The following SLC22A23 variants were observed in gnomAD, a reference collection of about 807,000 sequenced individuals.
The protein encoded by SLC22A23 is solute carrier family 22 member 23.
SLC22A23 carries 26 observed loss-of-function variants against 61.0 expected under a neutral mutation model. The observed-to-expected ratio is 0.43, with a 90% CI of 0.31 to 0.59. The LOEUF (loss-of-function observed/expected upper bound fraction) is 0.59, where lower values mean the gene tolerates loss of function less well. SLC22A23 is among the 20% of genes least tolerant of loss of function. SLC22A23 has a pLI of 0.11. For synonymous variants in SLC22A23, 430 were observed against 413.9 expected (o/e 1.04, Z -0.47); for missense variants, 796 against 934.7 (o/e 0.85, Z 1.94).
intron 1 of SLC22A23, chr6:3,432,273 A>C: frequency 1.0e-6 from 1 of 985,458 alleles, no homozygotes; most frequent in Non-Finnish European, 1.2e-6. Flanking sequence ...CTGCTGAGTG[A>C]ACGCTGGCTC....
At chr6:3,279,363 T>C (rs1759206704) in intron 9 of SLC22A23, among the ~76,000 whole-genome samples, 1 of 151,090 alleles carries the variant, frequency 6.6e-6, no homozygotes, top group Admixed American at 6.6e-5. Context: ...ATACAAAAAT[T>C]AGTTGGGTGT....
intron 3 of SLC22A23, among the ~76,000 whole-genome samples, chr6:3,343,783 A>G (rs1300785040): frequency 6.6e-6 from 1 of 152,236 alleles, no homozygotes; most frequent in Non-Finnish European, 1.5e-5. Context: ...ACTGTCAAAC[A>G]TTGGTGCCGA....
At position 3,378,608 on chromosome 6, in the gene SLC22A23, T is replaced by C. The variant is rs570591004; in HGVS notation, c.913+31580A>G. Among the ~76,000 whole-genome samples, 7 of 152,086 alleles carry C rather than the reference T, an allele frequency of 4.6e-5. No homozygotes were observed. The South Asian group carries it at 1.2e-3, about 27-fold the overall frequency. The stretch of plus-strand genomic sequence containing the variant: ...GATACCATCTGTCCAGCCTTAGATA[T>C]GCCTCTGAACCTCTCTCTGTGTCAG... On this transcript the variant is annotated intron_variant, in intron 3 of 9. Transcript: ENST00000406686.
Position 3,330,948 on chromosome 6 carries a change from C to G in SLC22A23, c.914-6946G>C, listed in dbSNP as rs1010298091. ...AAATGCAGAAATACTGAATTAACTA[C>G]CAATTGAATACCTATCATGTCTGCA... On this transcript the variant is annotated intron_variant, in intron 3 of 9. Transcript: ENST00000406686. The surrounding 1 kb of genome is among the most constrained non-coding windows in gnomAD (Gnocchi z 4.7). Among the ~76,000 whole-genome samples the G allele has an allele frequency of 6.6e-6, 1 of 152,200 alleles. No individual in the cohort carries two copies. The highest frequency in any genetic ancestry group is 2.4e-5 in the African/African-American group (1 of 41,444).
Position 3,269,943 on chromosome 6 carries a change from A to G in SLC22A23, c.*3112T>C, listed in dbSNP as rs569069928. 5.2e-4 allele frequency: 79 copies of G among 152,926 alleles called. No individual in the cohort carries two copies. The highest frequency in any genetic ancestry group is 1.6e-3 in the African/African-American group (67 of 41,584). The allele number at this position is 152,926 out of a possible 1,614,324, so 9.5% of individuals were successfully genotyped here. On this transcript the variant is annotated 3_prime_UTR_variant, in exon 10 of 10. Transcript: ENST00000406686. The stretch of plus-strand genomic sequence containing the variant: ...TTCTTTCTGTTCTGTAGCCAAACCA[A>G]TTTACCAGCCCGTCTTCCAGATGCA...
At chr6:3,289,287 C>T (rs558552762) in intron 6 of SLC22A23, among the ~76,000 whole-genome samples, 1 of 152,376 alleles carries the variant, frequency 6.6e-6, no homozygotes, top group African/African-American at 2.4e-5. Flanking sequence ...GGGAGGAGGT[C>T]TGCGCTCACT....
chr6:3,456,654 C>A lies in SLC22A23; in HGVS notation c.-95G>T. The A allele has an allele frequency of 3.6e-6, 3 of 834,784 alleles. No individual in the cohort carries two copies. The highest frequency in any genetic ancestry group is 4.3e-6 in the Non-Finnish European group (3 of 695,150). 51.7% of individuals were successfully genotyped at this position (834,784 alleles called of 1,614,324 possible). Reference sequence around the variant, plus strand: ...GCGCGCCGGGCCAGGCGCCTGCAGCCGCTGCCGCCGAGGAGGGCCCGCGGC... The same window carrying A: ...GCGCGCCGGGCCAGGCGCCTGCAGCAGCTGCCGCCGAGGAGGGCCCGCGGC... On this transcript the variant is annotated 5_prime_UTR_variant, in exon 1 of 10. Coordinates refer to ENST00000406686, the MANE Select transcript of SLC22A23 (RefSeq NM_015482.2). This position sits in a 1 kb window ranked among gnomAD's most constrained non-coding sequence, Gnocchi z 7.1.
At position 3,338,471 on chromosome 6, in the gene SLC22A23, C is replaced by T. The variant is rs570342301; in HGVS notation, c.914-14469G>A. ...CATCCTCCTTAGCTGGGACTACAGG[C>T]GCATGCCGCCATGCCCAGCTAATTT... On this transcript the variant is annotated intron_variant, in intron 3 of 9. Transcript: ENST00000406686. 2.8e-4 allele frequency among the ~76,000 whole-genome samples: 43 copies of T among 152,322 alleles called. 1 individual carries two copies. The highest frequency in any genetic ancestry group is 2.5e-3 in the East Asian group (13 of 5,170).
At chr6:3,397,815 G>A (rs759166967) in intron 3 of SLC22A23, among the ~76,000 whole-genome samples, 1 of 152,156 alleles carries the variant, frequency 6.6e-6, no homozygotes, top group Non-Finnish European at 1.5e-5. Flanking sequence ...GCTACTAGAT[G>A]TCTAACTCTT....
intron 3 of SLC22A23, among the ~76,000 whole-genome samples, chr6:3,361,558 G>A (rs906099345): frequency 5.9e-5 from 9 of 152,180 alleles, no homozygotes; most frequent in African/African-American, 1.9e-4. Flanking sequence ...TCTGGGGTTC[G>A]ACTCTCCAGA....
intron 3 of SLC22A23, among the ~76,000 whole-genome samples, chr6:3,361,857 C>T (rs1020414636): frequency 5.3e-5 from 8 of 152,190 alleles, no homozygotes; most frequent in Non-Finnish European, 1.0e-4. Flanking sequence ...TCTCACGCTA[C>T]GACCTAGGGA....
At chr6:3,374,134 T>C (rs1011160376) in intron 3 of SLC22A23, among the ~76,000 whole-genome samples, 2 of 152,234 alleles carry the variant, frequency 1.3e-5, no homozygotes, top group African/African-American at 4.8e-5. Flanking sequence ...TGCACTAGCA[T>C]AAACACAGGC....
At chr6:3,397,659 T>C (rs1431912608) in intron 3 of SLC22A23, among the ~76,000 whole-genome samples, 1 of 152,202 alleles carries the variant, frequency 6.6e-6, no homozygotes, top group Non-Finnish European at 1.5e-5. Flanking sequence ...TTATCATCCA[T>C]TGTTGTCAAG....
At chr6:3,389,821 G>T (rs1376311058) in intron 3 of SLC22A23, among the ~76,000 whole-genome samples, 1 of 152,236 alleles carries the variant, frequency 6.6e-6, no homozygotes, top group South Asian at 2.1e-4. Context: ...GTGCATTTCA[G>T]GCTGCTGCCA....
chr6:3,422,315 T>C (rs918186876), intron 1 of SLC22A23, among the ~76,000 whole-genome samples: 2 of 151,950 alleles, frequency 1.3e-5, no homozygotes, highest in South Asian at 2.1e-4. Context: ...CTGCAGACAA[T>C]AGAAATGGCA....
chr6:3,292,864 C>G (rs528711416), intron 5 of SLC22A23, among the ~76,000 whole-genome samples: 31 of 151,934 alleles, frequency 2.0e-4, no homozygotes, highest in Non-Finnish European at 2.6e-4. Context: ...TCGGGGAGCA[C>G]GTGTCTTCCC....
chr6:3,452,710 T>C (rs925153776), intron 1 of SLC22A23, among the ~76,000 whole-genome samples: 4 of 146,184 alleles, frequency 2.7e-5, no homozygotes, highest in African/African-American at 1.0e-4. Flanking sequence ...TTATAAACTA[T>C]AAAGGGCTGC....
intron 6 of SLC22A23, among the ~76,000 whole-genome samples, chr6:3,287,412 G>A (rs957113152): frequency 5.3e-5 from 8 of 152,114 alleles, no homozygotes; most frequent in Non-Finnish European, 7.3e-5. Flanking sequence ...CCAAGACAAA[G>A]CGCTTTCCAG....
Position 3,360,848 on chromosome 6 carries a change from G to A in SLC22A23, c.914-36846C>T, listed in dbSNP as rs1765390387. On this transcript the variant is annotated intron_variant, in intron 3 of 9. Coordinates refer to ENST00000406686, the MANE Select transcript of SLC22A23 (RefSeq NM_015482.2). The surrounding 1 kb of genome is among the most constrained non-coding windows in gnomAD (Gnocchi z 4.6). ...TGGCGTGGTCATCCAGGGCGGGAAC[G>A]GGATTGGACGAAGCCTTCCCTCGGG... is the stretch of plus-strand genomic sequence containing the variant. 6.6e-6 allele frequency among the ~76,000 whole-genome samples: 1 copy of A among 152,210 alleles called. No individual in the cohort carries two copies. Among genetic ancestry groups the A allele is most frequent in the South Asian group, 2.1e-4 (1 of 4,834 alleles).
Sources: allele counts gnomAD v4.1 joint callset (sites outside exome capture counted in the v4.1 genomes callset), GRCh38; gene constraint gnomAD v4.1.1; non-coding constraint Gnocchi (gnomAD v3.1); transcripts MANE v1.5; gene names NCBI Gene and HGNC (gene_info 2026-07-23, HGNC 2026-07-21).